GTF2IRD1: variants seen among roughly 807,000 people sequenced by gnomAD.
GTF2IRD1 encodes the protein general transcription factor II-I repeat domain-containing protein 1.
Under a neutral mutation model 113.2 loss-of-function variants are expected in GTF2IRD1, and 26 were observed. The observed-to-expected ratio is 0.23, with a 90% CI of 0.17 to 0.32. The LOEUF is 0.32. Among genes scored for constraint, GTF2IRD1 ranks in the 10% least tolerant of loss-of-function variants. The probability of loss-of-function intolerance (pLI) is 1.00; values close to 1 mark genes in which losing one functional copy is unlikely to be tolerated. For missense variants in GTF2IRD1, 864 were observed against 1,280.8 expected (o/e 0.67, Z 4.97); for synonymous variants, 484 against 529.1 (o/e 0.91, Z 1.17).
chr7:74,595,066 A>T lies in GTF2IRD1; in HGVS notation c.2629+15A>T. On this transcript the variant is annotated intron_variant, in intron 25 of 26. Coordinates refer to ENST00000424337, the MANE Select transcript of GTF2IRD1 (RefSeq NM_005685.4). The stretch of plus-strand genomic sequence containing the variant: ...CAAGGTGCCAGGTGAGTCAGAGGTG[A>T]AGAAGCCACCCTTCTGCTCCGTGGG... 6.3e-7 allele frequency: 1 copy of T among 1,587,950 alleles called. No individual in the cohort carries two copies. Among genetic ancestry groups the T allele is most frequent in the South Asian group, 1.1e-5 (1 of 90,618 alleles).
At chr7:74,550,174 G>A (rs1799221108) in intron 17 of GTF2IRD1, among the ~76,000 whole-genome samples, 1 of 151,938 alleles carries the variant, frequency 6.6e-6, no homozygotes, top group African/African-American at 2.4e-5. Flanking sequence ...TCAGCCTGGG[G>A]GACAGTAACA....
At chr7:74,520,811 G>A (rs925581123) in intron 6 of GTF2IRD1, among the ~76,000 whole-genome samples, 51 of 144,524 alleles carry the variant, frequency 3.5e-4, no homozygotes, top group African/African-American at 1.2e-3. Flanking sequence ...CTAATGCTTG[G>A]CCTGTAGTAG....
chr7:74,546,098 C>T (rs1419301974), intron 16 of GTF2IRD1, among the ~76,000 whole-genome samples: 1 of 151,974 alleles, frequency 6.6e-6, no homozygotes, highest in African/African-American at 2.4e-5. Context: ...CCTCCGCCCT[C>T]ACCCTCATCC....
intron 22 of GTF2IRD1, among the ~76,000 whole-genome samples, chr7:74,579,475 A>G (rs1341575560): frequency 6.6e-6 from 1 of 151,950 alleles, no homozygotes; most frequent in African/African-American, 2.4e-5. Context: ...AAAATTAGCC[A>G]AGCGTGGTGG....
intron 8 of GTF2IRD1, among the ~76,000 whole-genome samples, chr7:74,527,842 GA>G (rs199736534): frequency 5.0e-4 from 74 of 146,962 alleles, no homozygotes; most frequent in African/African-American, 1.1e-3. Context: ...CTCCATCAGG[GA>G]AAAAAAAAAA....
At chr7:74,521,967 G>A (rs1278195458) in intron 7 of GTF2IRD1, among the ~76,000 whole-genome samples, 3 of 152,186 alleles carry the variant, frequency 2.0e-5, no homozygotes, top group South Asian at 2.1e-4. Flanking sequence ...GGGAGGAGAC[G>A]CTTCTGAGCT....
chr7:74,564,135 G>A (rs587732647), intron 22 of GTF2IRD1, among the ~76,000 whole-genome samples: 6 of 151,860 alleles, frequency 4.0e-5, no homozygotes, highest in South Asian at 2.1e-4. Context: ...CAAGCGATTC[G>A]CCTGCCTCAG....
At chr7:74,456,956 G>T (rs575885877) in intron 1 of GTF2IRD1, among the ~76,000 whole-genome samples, 1 of 152,034 alleles carries the variant, frequency 6.6e-6, no homozygotes, top group South Asian at 2.1e-4. Context: ...GCTGGCCATG[G>T]TTCCACCTTT....
intron 1 of GTF2IRD1, among the ~76,000 whole-genome samples, chr7:74,468,943 G>A: frequency 6.6e-6 from 1 of 151,768 alleles, no homozygotes; most frequent in Admixed American, 6.6e-5. Flanking sequence ...AAATTAGCCG[G>A]GCGTGATGGT....
chr7:74,587,912 C>T (rs587759836), intron 22 of GTF2IRD1, among the ~76,000 whole-genome samples: 1 of 152,078 alleles, frequency 6.6e-6, no homozygotes, highest in African/African-American at 2.4e-5. Context: ...ACGGCCCCCA[C>T]ACTCCCAGAC....
At chr7:74,510,985 G>A (rs1796598509) in intron 2 of GTF2IRD1, among the ~76,000 whole-genome samples, 1 of 151,634 alleles carries the variant, frequency 6.6e-6, no homozygotes, top group Non-Finnish European at 1.5e-5. Context: ...GGAGGCAGAG[G>A]TTACAGTGAG....
At chr7:74,456,276 C>T (rs1245870415) in intron 1 of GTF2IRD1, among the ~76,000 whole-genome samples, 3 of 152,164 alleles carry the variant, frequency 2.0e-5, no homozygotes, top group African/African-American at 7.2e-5. Flanking sequence ...TGGGTGATGG[C>T]TTGGGACATT....
chr7:74,511,104 G>A (rs1270204424), intron 2 of GTF2IRD1, among the ~76,000 whole-genome samples: 1 of 151,956 alleles, frequency 6.6e-6, no homozygotes, highest in African/African-American at 2.4e-5. Context: ...GTGTTTCAGA[G>A]CCTCCTTGGA....
chr7:74,534,926 G>A (rs958272635), intron 9 of GTF2IRD1, among the ~76,000 whole-genome samples, 187 bp from the exon 10 acceptor site: 3 of 152,044 alleles, frequency 2.0e-5, no homozygotes, highest in African/African-American at 7.2e-5. Context: ...AAAAATAAAC[G>A]GTTTGGGATG....
chr7:74,567,673 C>T (rs1800404062), intron 22 of GTF2IRD1, among the ~76,000 whole-genome samples: 1 of 152,176 alleles, frequency 6.6e-6, no homozygotes. Context: ...AAGTAGCTTG[C>T]TCTCCTCTGC....
chr7:74,497,216 C>T lies in GTF2IRD1; in HGVS notation c.-6-10859C>T, dbSNP rs139932110. Among the ~76,000 whole-genome samples the T allele has an allele frequency of 2.1e-3, 326 of 152,248 alleles. 1 individual carries two copies. The highest frequency in any genetic ancestry group is 7.5e-3 in the African/African-American group (310 of 41,530). On this transcript the variant is annotated intron_variant, in intron 1 of 26. Coordinates refer to ENST00000424337, the MANE Select transcript of GTF2IRD1 (RefSeq NM_005685.4). ...ACTACTATACAATTCAACAGTTCCA[C>T]CTCTGGGTATATACCCCAAATCATT...
At chr7:74,587,873 G>A (rs1801807818) in intron 22 of GTF2IRD1, among the ~76,000 whole-genome samples, 1 of 152,100 alleles carries the variant, frequency 6.6e-6, no homozygotes, top group Non-Finnish European at 1.5e-5. Context: ...GGCCGTGACG[G>A]TTACCTGGGC....
intron 1 of GTF2IRD1, among the ~76,000 whole-genome samples, chr7:74,493,893 A>AT (rs1442997606): frequency 6.6e-6 from 1 of 151,558 alleles, no homozygotes; most frequent in Non-Finnish European, 1.5e-5. Context: ...TGATTTTTTT[A>AT]TTTTTTGTTG....
At position 74,538,184 on chromosome 7, in the gene GTF2IRD1, A is replaced by C; in HGVS notation, c.1447+11A>C. The C allele has an allele frequency of 6.2e-7, 1 of 1,612,204 alleles. No individual in the cohort carries two copies. Among genetic ancestry groups the C allele is most frequent in the Non-Finnish European group, 8.5e-7 (1 of 1,179,528 alleles). On this transcript the variant is annotated intron_variant, in intron 12 of 26. Coordinates refer to ENST00000424337, the MANE Select transcript of GTF2IRD1 (RefSeq NM_005685.4). ...AAGACTGTGGGCCAGGTGAGAAGGA[A>C]CAGGGCCCGCTGTGTGTGTGGTGGG...
Sources: gnomAD v4.1 joint callset for allele counts (sites outside exome capture counted in the v4.1 genomes callset) on GRCh38, gnomAD v4.1.1 for gene constraint, MANE v1.5 for transcripts, NCBI Gene and HGNC (gene_info 2026-07-23, HGNC 2026-07-21) for gene names.